KRTAP2-3: variants seen among roughly 807,000 people sequenced by gnomAD.
The protein encoded by KRTAP2-3 is keratin-associated protein 2-3.
In KRTAP2-3, 9 loss-of-function variants were observed where a neutral mutation model predicts 11.2. The ratio of observed to expected loss-of-function variants is 0.80; its 90% CI spans 0.48 to 1.40. The LOEUF (loss-of-function observed/expected upper bound fraction) is 1.40, where lower values mean the gene tolerates loss of function less well. Ranked by LOEUF, KRTAP2-3 falls within the 40% of genes most tolerant of loss-of-function variation. The pLI, the probability that KRTAP2-3 is intolerant of heterozygous loss-of-function variation, is 0.00. For synonymous variants in KRTAP2-3, 45 were observed against 76.2 expected (o/e 0.59, Z 2.13); for missense variants, 93 against 176.8 (o/e 0.53, Z 2.69).
rs2013157840 is a variant in KRTAP2-3 at position 41,060,097 on chromosome 17, A to G, written c.-47T>C. On this transcript the variant is annotated 5_prime_UTR_variant, in exon 1 of 1. Transcript: ENST00000391418. ...GGGTTGGGCTGTTGAGAGGAGCTGG[A>G]TGTTCTCAGGTGTGAATGTCCTCGT... 1 of 1,544,158 alleles carries G rather than the reference A, an allele frequency of 6.5e-7. No individual in the cohort carries two copies. The highest frequency in any genetic ancestry group is 8.7e-7 in the Non-Finnish European group (1 of 1,144,744).
chr17:41,059,621 T>G lies in KRTAP2-3; in HGVS notation c.*43A>C, dbSNP rs1294954485. On this transcript the variant is annotated 3_prime_UTR_variant, in exon 1 of 1. Transcript: ENST00000391418. Reference sequence around the variant, plus strand: ...GTAGAAGAGTCTGCACAAGCTTCTGTGCACCTGGGAATGTTTCGTGCGTTG... The same window carrying G: ...GTAGAAGAGTCTGCACAAGCTTCTGGGCACCTGGGAATGTTTCGTGCGTTG... 6.5e-7 allele frequency: 1 copy of G among 1,546,128 alleles called. No homozygotes were observed.
rs879509008 is a variant in KRTAP2-3 at position 41,059,959 on chromosome 17, C to T, written c.92G>A (p.Cys31Tyr). The T allele has an allele frequency of 5.9e-6, 9 of 1,524,622 alleles. No individual in the cohort carries two copies. Among genetic ancestry groups the T allele is most frequent in the Non-Finnish European group, 7.9e-6 (9 of 1,141,318 alleles). The allele number at this position is 1,524,622 out of a possible 1,614,324, so 94.4% of individuals were successfully genotyped here. Residue 31 changes from cysteine to tyrosine, a missense_variant, in exon 1 of 1, where the codon TGC becomes TAC. Coordinates refer to ENST00000391418, the MANE Select transcript of KRTAP2-3 (RefSeq NM_001165252.2). ...QPCCCRDPCC[C>Y]RPVTCQTTVC... ...GGTGGTCTGGCAGGTCACGGGGCGGCAGCAGCAGGGGTCGCGGCAGCAGCA... is the reference window on the plus strand; with the variant it reads ...GGTGGTCTGGCAGGTCACGGGGCGGTAGCAGCAGGGGTCGCGGCAGCAGCA...
Position 41,059,399 on chromosome 17 carries a change from T to G in KRTAP2-3, c.*265A>C. 8.3e-6 allele frequency: 5 copies of G among 604,186 alleles called. No individual in the cohort carries two copies. The highest frequency in any genetic ancestry group is 8.2e-6 in the Non-Finnish European group (3 of 366,478). 37.4% of individuals were successfully genotyped at this position (604,186 alleles called of 1,614,324 possible). ...GACAGAGTTCTATTCAAGAGGAGCT[T>G]TGATTTTTATTTACTCGTTTTTTTT... On this transcript the variant is annotated 3_prime_UTR_variant, in exon 1 of 1. Coordinates refer to ENST00000391418, the MANE Select transcript of KRTAP2-3 (RefSeq NM_001165252.2).
Position 41,059,875 on chromosome 17 carries a change from C to A in KRTAP2-3, c.176G>T (p.Arg59Leu). The A allele has an allele frequency of 3.3e-6, 5 of 1,513,820 alleles. No homozygotes were observed. The East Asian group carries it at 1.2e-4, about 37-fold the overall frequency. The allele number at this position is 1,513,820 out of a possible 1,614,324, so 93.8% of individuals were successfully genotyped here. A position where few individuals can be genotyped will look rare whatever the true frequency, so the allele number is the denominator to read the frequency against. ...GCAGGGGTCGCAGCACACCGGGCGG[C>A]GGCAGGGCTCGCAGATGGGGCGCGT... The part of the protein sequence containing the change: ...RCTRPICEPC[R>L]RPVCCDPCSL... Residue 59 changes from arginine to leucine, a missense_variant, in exon 1 of 1, where the codon CGC becomes CTC. Coordinates refer to ENST00000391418, the MANE Select transcript of KRTAP2-3 (RefSeq NM_001165252.2).
chr17:41,059,677 G>T lies in KRTAP2-3; in HGVS notation c.374C>A (p.Thr125Asn). The change falls in exon 1 of 1, where the codon ACC becomes AAC. Residue 125 changes from threonine (T) to asparagine (N), a missense_variant. Physicochemically the swap from Thr to Asn is moderately conservative, Grantham distance 65. Transcript: ENST00000391418. ...QPTPCSTTCR[T>N]SSC Reference sequence around the variant, plus strand: ...AGAGGTGGGGTCTCAGCAGGAGGAGGTCCTGCAGGTGGTGCTGCAAGGGGT... The same window carrying T: ...AGAGGTGGGGTCTCAGCAGGAGGAGTTCCTGCAGGTGGTGCTGCAAGGGGT... 2 of 1,556,096 alleles carry T rather than the reference G, an allele frequency of 1.3e-6. No homozygotes were observed. The highest frequency in any genetic ancestry group is 2.0e-5 in the Admixed American group (1 of 51,100).
chr17:41,059,548 G>A lies in KRTAP2-3; in HGVS notation c.*116C>T, dbSNP rs2013140994. The A allele has an allele frequency of 2.8e-6, 4 of 1,439,390 alleles. No homozygotes were observed. Among genetic ancestry groups the A allele is most frequent in the South Asian group, 2.9e-5 (2 of 69,570 alleles). The allele number at this position is 1,439,390 out of a possible 1,614,324, so 89.2% of individuals were successfully genotyped here. A position where few individuals can be genotyped will look rare whatever the true frequency, so the allele number is the denominator to read the frequency against. Reference sequence around the variant, plus strand: ...ATGTTATTGTTGAATTCGTGCTTGAGGATCAGCTAGGCTGCAAAGGTGGAG... The same window carrying A: ...ATGTTATTGTTGAATTCGTGCTTGAAGATCAGCTAGGCTGCAAAGGTGGAG... On this transcript the variant is annotated 3_prime_UTR_variant, in exon 1 of 1. Transcript: ENST00000391418.
chr17:41,059,595 G>A lies in KRTAP2-3; in HGVS notation c.*69C>T. On this transcript the variant is annotated 3_prime_UTR_variant, in exon 1 of 1. Coordinates refer to ENST00000391418, the MANE Select transcript of KRTAP2-3 (RefSeq NM_001165252.2). Reference sequence around the variant, plus strand: ...GGAGTCTCTCATCTGATCCAGAAGGGGTAGAAGAGTCTGCACAAGCTTCTG... The same window carrying A: ...GGAGTCTCTCATCTGATCCAGAAGGAGTAGAAGAGTCTGCACAAGCTTCTG... 1 of 1,528,972 alleles carries A rather than the reference G, an allele frequency of 6.5e-7. No individual in the cohort carries two copies. The highest frequency in any genetic ancestry group is 2.0e-5 in the Admixed American group (1 of 50,030). 94.7% of individuals were successfully genotyped at this position (1,528,972 alleles called of 1,614,324 possible). A position where few individuals can be genotyped will look rare whatever the true frequency, so the allele number is the denominator to read the frequency against.
chr17:41,059,734 G>A lies in KRTAP2-3; in HGVS notation c.317C>T (p.Ser106Phe). Reference protein sequence around the residue: ...TTCCQPVSVQSPCCRPPCGQP... With the variant: ...TTCCQPVSVQFPCCRPPCGQP... ...GCCGCAGGGAGGCCGGCAGCAGGGG[G>A]ACTGCACAGACACAGGCTGGCAGCA... Residue 106 changes from serine to phenylalanine, a missense_variant, in exon 1 of 1, where the codon TCC (serine) becomes TTC (phenylalanine). Physicochemically the swap from Ser to Phe is radical, Grantham distance 155. Transcript: ENST00000391418. The A allele has an allele frequency of 1.9e-6, 3 of 1,553,874 alleles. No homozygotes were observed. Among genetic ancestry groups the A allele is most frequent in the Middle Eastern group, 2.0e-4 (1 of 4,928 alleles).
In KRTAP2-3 at chr17:41,059,969, G is replaced by C. The variant is rs1047482004; in HGVS notation, c.82C>G (p.Pro28Ala). The change falls in exon 1 of 1, where the codon CCC becomes GCC. Residue 28 changes from proline to alanine, a missense_variant. By Grantham distance (27) the Pro-to-Ala change is conservative. Coordinates refer to ENST00000391418, the MANE Select transcript of KRTAP2-3 (RefSeq NM_001165252.2). ...CAGGTCACGGGGCGGCAGCAGCAGGGGTCGCGGCAGCAGCAGGGCTGGCAG... is the reference window on the plus strand; with the variant it reads ...CAGGTCACGGGGCGGCAGCAGCAGGCGTCGCGGCAGCAGCAGGGCTGGCAG... ...GCCQPCCCRD[P>A]CCCRPVTCQT... 5.9e-6 allele frequency: 9 copies of C among 1,527,922 alleles called. No homozygotes were observed. Among genetic ancestry groups the C allele is most frequent in the Non-Finnish European group, 7.9e-6 (9 of 1,142,926 alleles). The allele number at this position is 1,527,922 out of a possible 1,614,324, so 94.6% of individuals were successfully genotyped here. A position where few individuals can be genotyped will look rare whatever the true frequency, so the allele number is the denominator to read the frequency against.
chr17:41,059,599 G>A lies in KRTAP2-3; in HGVS notation c.*65C>T. On this transcript the variant is annotated 3_prime_UTR_variant, in exon 1 of 1. Transcript: ENST00000391418. ...TCTCTCATCTGATCCAGAAGGGGTAGAAGAGTCTGCACAAGCTTCTGTGCA... is the reference window on the plus strand; with the variant it reads ...TCTCTCATCTGATCCAGAAGGGGTAAAAGAGTCTGCACAAGCTTCTGTGCA... 6.5e-7 allele frequency: 1 copy of A among 1,532,292 alleles called. No individual in the cohort carries two copies. Among genetic ancestry groups the A allele is most frequent in the Non-Finnish European group, 8.8e-7 (1 of 1,135,818 alleles). The allele number at this position is 1,532,292 out of a possible 1,614,324, so 94.9% of individuals were successfully genotyped here. A position where few individuals can be genotyped will look rare whatever the true frequency, so the allele number is the denominator to read the frequency against.
chr17:41,060,044 C>G lies in KRTAP2-3; in HGVS notation c.7G>C (p.Gly3Arg), dbSNP rs555506237. ...GACAAGGTGGAGCCGCAGCAGGAGC[C>G]GGTCATGGTGGTGTCTGAGGCTGGT... MT[G>R]SCCGSTLSSL... Residue 3 changes from glycine to arginine, a missense_variant, in exon 1 of 1, where the codon GGC becomes CGC. By Grantham distance (125) the Gly-to-Arg change is moderately radical. Transcript: ENST00000391418. 4 of 1,534,100 alleles carry G rather than the reference C, an allele frequency of 2.6e-6. No individual in the cohort carries two copies. Among genetic ancestry groups the G allele is most frequent in the Non-Finnish European group, 2.6e-6 (3 of 1,144,030 alleles).
chr17:41,059,666 A>G lies in KRTAP2-3; in HGVS notation c.385T>C (p.Ter129ArgextTer46). The G allele has an allele frequency of 6.4e-7, 1 of 1,554,470 alleles. No homozygotes were observed. Among genetic ancestry groups the G allele is most frequent in the Non-Finnish European group, 8.7e-7 (1 of 1,148,342 alleles). Residue 129 changes from the stop codon to arginine (R), a stop_lost, in exon 1 of 1, where the codon TGA (stop) becomes CGA (arginine). Coordinates refer to ENST00000391418, the MANE Select transcript of KRTAP2-3 (RefSeq NM_001165252.2). ...GCGTTGAGAGGAGAGGTGGGGTCTCAGCAGGAGGAGGTCCTGCAGGTGGTG... is the reference window on the plus strand; with the variant it reads ...GCGTTGAGAGGAGAGGTGGGGTCTCGGCAGGAGGAGGTCCTGCAGGTGGTG... Reference protein sequence around the residue: ...CSTTCRTSSC* With the variant: ...CSTTCRTSSCR
At position 41,059,831 on chromosome 17, in the gene KRTAP2-3, A is replaced by G. The variant is rs1259909619; in HGVS notation, c.220T>C (p.Cys74Arg). Residue 74 changes from cysteine to arginine, a missense_variant, in exon 1 of 1, where the codon TGC becomes CGC. Transcript: ENST00000391418. ...GAGGGGCAGCAGGTGATGGGGCGGC[A>G]GCAGCCTTCCTGCAGGGAGCAGGGG... ...CDPCSLQEGC[C>R]RPITCCPSSC... is the part of the protein sequence containing the mutation. 5.9e-6 allele frequency: 9 copies of G among 1,533,398 alleles called. No homozygotes were observed. Among genetic ancestry groups the G allele is most frequent in the Non-Finnish European group, 7.9e-6 (9 of 1,142,936 alleles). 95.0% of individuals were successfully genotyped at this position (1,533,398 alleles called of 1,614,324 possible). A position where few individuals can be genotyped will look rare whatever the true frequency, so the allele number is the denominator to read the frequency against.
Position 41,059,338 on chromosome 17 carries a change from C to A in KRTAP2-3, c.*326G>T, listed in dbSNP as rs183918667. 16 of 405,960 alleles carry A rather than the reference C, an allele frequency of 3.9e-5. 1 individual carries two copies. Among genetic ancestry groups the A allele is most frequent in the Non-Finnish European group, 6.4e-5 (15 of 233,078 alleles). 25.1% of individuals were successfully genotyped at this position (405,960 alleles called of 1,614,324 possible). On this transcript the variant is annotated 3_prime_UTR_variant, in exon 1 of 1. Transcript: ENST00000391418. ...GAAGAAAAAAATCTCATCTGAGAAC[C>A]TTGAAACAGTAGAAAAAAGGGTGAT...
chr17:41,059,389 A>G lies in KRTAP2-3; in HGVS notation c.*275T>C. The G allele has an allele frequency of 1.7e-6, 1 of 579,916 alleles. No individual in the cohort carries two copies. 35.9% of individuals were successfully genotyped at this position (579,916 alleles called of 1,614,324 possible). On this transcript the variant is annotated 3_prime_UTR_variant, in exon 1 of 1. Transcript: ENST00000391418. ...GAGTCAGTGGGACAGAGTTCTATTCAAGAGGAGCTTTGATTTTTATTTACT... is the reference window on the plus strand; with the variant it reads ...GAGTCAGTGGGACAGAGTTCTATTCGAGAGGAGCTTTGATTTTTATTTACT...
chr17:41,059,416 GT>G lies in KRTAP2-3; in HGVS notation c.*247del, dbSNP rs968973148. On this transcript the variant is annotated 3_prime_UTR_variant, in exon 1 of 1. Coordinates refer to ENST00000391418, the MANE Select transcript of KRTAP2-3 (RefSeq NM_001165252.2). ...GAGGAGCTTTGATTTTTATTTACTC[GT>G]TTTTTTTTTCAAGCCAGGAATTCGA... 518 of 585,768 alleles carry G rather than the reference GT, an allele frequency of 8.8e-4. 1 individual carries two copies. The highest frequency in any genetic ancestry group is 1.5e-3 in the South Asian group (52 of 34,650). The allele number at this position is 585,768 out of a possible 1,614,324, so 36.3% of individuals were successfully genotyped here. A position where few individuals can be genotyped will look rare whatever the true frequency, so the allele number is the denominator to read the frequency against.
rs551571417 is a variant in KRTAP2-3, at chr17:41,059,330, C to A, written c.*334G>T. On this transcript the variant is annotated 3_prime_UTR_variant, in exon 1 of 1. Transcript: ENST00000391418. The stretch of plus-strand genomic sequence containing the variant: ...TTATCCTGGAAGAAAAAAATCTCAT[C>A]TGAGAACCTTGAAACAGTAGAAAAA... 8.0e-6 allele frequency: 3 copies of A among 376,722 alleles called. No individual in the cohort carries two copies. The allele number at this position is 376,722 out of a possible 1,614,324, so 23.3% of individuals were successfully genotyped here. A position where few individuals can be genotyped will look rare whatever the true frequency, so the allele number is the denominator to read the frequency against.
rs2646023 is a variant in KRTAP2-3 at position 41,059,649 on chromosome 17, A to G, written c.*15T>C. Reference sequence around the variant, plus strand: ...ACCTGGGAATGTTTCGTGCGTTGAGAGGAGAGGTGGGGTCTCAGCAGGAGG... The same window carrying G: ...ACCTGGGAATGTTTCGTGCGTTGAGGGGAGAGGTGGGGTCTCAGCAGGAGG... On this transcript the variant is annotated 3_prime_UTR_variant, in exon 1 of 1. Coordinates refer to ENST00000391418, the MANE Select transcript of KRTAP2-3 (RefSeq NM_001165252.2). 36,208 of 1,550,644 alleles carry G rather than the reference A, an allele frequency of 0.023. 7,051 individuals carry two copies. The African/African-American group carries it at 0.43, about 18-fold the overall frequency.
rs2013155249 is a variant in KRTAP2-3 at position 41,060,012 on chromosome 17, C to G, written c.39G>C (p.Leu13=). The change falls in exon 1 of 1, where the codon CTG becomes CTC. Residue 13 remains leucine (L), a synonymous_variant. Coordinates refer to ENST00000391418, the MANE Select transcript of KRTAP2-3 (RefSeq NM_001165252.2). ...GSCCGSTLSS[L]SYGGGCCQPC... ...GCTGGCAGCAGCCTCCCCCGTAGCT[C>G]AGGGAGGACAAGGTGGAGCCGCAGC... The G allele has an allele frequency of 2.6e-6, 4 of 1,533,166 alleles. No homozygotes were observed. The highest frequency in any genetic ancestry group is 3.5e-6 in the Non-Finnish European group (4 of 1,144,050). 95.0% of individuals were successfully genotyped at this position (1,533,166 alleles called of 1,614,324 possible).
Sources: gnomAD v4.1 joint callset for allele counts on GRCh38, gnomAD v4.1.1 for gene constraint, MANE v1.5 for transcripts, NCBI Gene and HGNC (gene_info 2026-07-23, HGNC 2026-07-21) for gene names.